The following MYRFL variants were observed in gnomAD, a reference collection of about 807,000 sequenced individuals.
MYRFL encodes the protein myelin regulatory factor-like protein.
A neutral mutation model predicts 109.4 loss-of-function variants in MYRFL; 88 were observed. The ratio of observed to expected loss-of-function variants is 0.80; its 90% CI spans 0.68 to 0.96. The LOEUF is 0.96. Ranked by LOEUF, MYRFL falls within the 40% of genes least tolerant of loss-of-function variation. MYRFL has a pLI of 0.00. For missense variants in MYRFL, 957 were observed against 954.9 expected (o/e 1.00, Z -0.03); for synonymous variants, 324 against 320.9 (o/e 1.01, Z -0.10).
chr12:69,932,977 AAAG>A (rs1955318767), intron 16 of MYRFL, among the ~76,000 whole-genome samples: 1 of 152,044 alleles, frequency 6.6e-6, no homozygotes, highest in Non-Finnish European at 1.5e-5. Context: ...GACCTTGGAG[AAAG>A]AAGTAAATAG....
Position 69,952,108 on chromosome 12 carries a change from T to C in MYRFL, c.2225-5T>C, listed in dbSNP as rs931793742. The C allele has an allele frequency of 9.2e-5, 141 of 1,535,968 alleles. No individual in the cohort carries two copies. The highest frequency in any genetic ancestry group is 1.2e-4 in the Non-Finnish European group (138 of 1,146,862). ...TCAAGATTGACAGACTTGTTTCCTT[T>C]TCAGAAGACAAAAGCAAATCAGTTT... On this transcript the variant is annotated splice_polypyrimidine_tract_variant and splice_region_variant and intron_variant, in intron 19 of 24. Transcript: ENST00000552032.
chr12:69,944,859 C>T (rs1268674929), intron 19 of MYRFL, among the ~76,000 whole-genome samples: 3 of 152,006 alleles, frequency 2.0e-5, no homozygotes, highest in African/African-American at 7.3e-5. Flanking sequence ...CACATGTATC[C>T]TACAACTTGA....
chr12:69,874,256 A>AAGCC, intron 2 of MYRFL, among the ~76,000 whole-genome samples: 1 of 152,320 alleles, frequency 6.6e-6, no homozygotes, highest in South Asian at 2.1e-4. Context: ...TGGCTCACTC[A>AAGCC]AGCCTCATTC....
At chr12:69,892,533 C>G (rs546576513) in intron 7 of MYRFL, among the ~76,000 whole-genome samples, 1 of 152,182 alleles carries the variant, frequency 6.6e-6, no homozygotes, top group Non-Finnish European at 1.5e-5. Flanking sequence ...GCTTCTGCCT[C>G]CCAAAGTGTT....
intron 9 of MYRFL, 140 bp from the exon 10 acceptor site, chr12:69,897,016 C>G: frequency 1.5e-6 from 1 of 662,604 alleles, no homozygotes. Flanking sequence ...CAACTTAGAA[C>G]AGAAGGGAAA....
intron 2 of MYRFL, among the ~76,000 whole-genome samples, chr12:69,857,912 G>C (rs1430200885): frequency 6.6e-6 from 1 of 151,788 alleles, no homozygotes; most frequent in Non-Finnish European, 1.5e-5. Context: ...TAAAGAAATA[G>C]TGAGACTAGA....
At chr12:69,861,716 G>A (rs1884683587) in intron 2 of MYRFL, among the ~76,000 whole-genome samples, 1 of 151,758 alleles carries the variant, frequency 6.6e-6, no homozygotes, top group Non-Finnish European at 1.5e-5. Context: ...CACTCTGATG[G>A]TAGTTTCTTT....
At chr12:69,866,653 T>A (rs1380157414) in intron 2 of MYRFL, among the ~76,000 whole-genome samples, 1 of 152,196 alleles carries the variant, frequency 6.6e-6, no homozygotes, top group Non-Finnish European at 1.5e-5. Flanking sequence ...AAGATATCAG[T>A]GTCAACCCTT....
At chr12:69,938,443 G>A (rs571125433) in intron 19 of MYRFL, among the ~76,000 whole-genome samples, 2 of 152,262 alleles carry the variant, frequency 1.3e-5, no homozygotes, top group East Asian at 1.9e-4. Flanking sequence ...CATTCCTGAA[G>A]TAACCAGCTG....
intron 5 of MYRFL, among the ~76,000 whole-genome samples, chr12:69,880,864 GC>G (rs1886034894): frequency 6.6e-6 from 1 of 151,412 alleles, no homozygotes; most frequent in Admixed American, 6.6e-5. Flanking sequence ...CTTCAAATTG[GC>G]AAGTTCCCAG....
At chr12:69,906,079 G>A (rs962036479) in intron 11 of MYRFL, among the ~76,000 whole-genome samples, 9 of 152,238 alleles carry the variant, frequency 5.9e-5, no homozygotes, top group Non-Finnish European at 1.3e-4. Flanking sequence ...GCTACAAAAT[G>A]TAGTGGTCAA....
At chr12:69,850,315 TATC>T (rs1483708822) in intron 1 of MYRFL, among the ~76,000 whole-genome samples, 1 of 152,086 alleles carries the variant, frequency 6.6e-6, no homozygotes, top group Non-Finnish European at 1.5e-5. Flanking sequence ...GGATAGAAAT[TATC>T]ATTATAAGAA....
At chr12:69,939,301 C>T (rs1341416161) in intron 19 of MYRFL, among the ~76,000 whole-genome samples, 28 of 152,266 alleles carry the variant, frequency 1.8e-4, no homozygotes, top group Non-Finnish European at 3.5e-4. Flanking sequence ...TGTCTGACAG[C>T]TTTGAAGAGA....
intron 2 of MYRFL, among the ~76,000 whole-genome samples, chr12:69,868,859 TGCACACACACGC>T (rs1885164665): frequency 6.6e-6 from 1 of 152,062 alleles, no homozygotes; most frequent in Non-Finnish European, 1.5e-5. Context: ...TGCACACATG[TGCACACACACGC>T]GCACACACAT....
chr12:69,827,283 T>A (rs979302085), intron 1 of MYRFL, among the ~76,000 whole-genome samples: 1 of 152,074 alleles, frequency 6.6e-6, no homozygotes, highest in Non-Finnish European at 1.5e-5. Flanking sequence ...ATAAACATTT[T>A]TATATTAAAA....
rs139101963 is a variant in MYRFL at position 69,907,946 on chromosome 12, G to A, written c.1384-2023G>A. ...GATTGTGACTGTTCCTTCCAAGTAT[G>A]ACCTGCAAGGCCCTCCCTGCTCTGG... On this transcript the variant is annotated intron_variant, in intron 11 of 24. Transcript: ENST00000552032. 1.1e-3 allele frequency among the ~76,000 whole-genome samples: 174 copies of A among 152,206 alleles called. 1 individual carries two copies. Among genetic ancestry groups the A allele is most frequent in the Non-Finnish European group, 1.9e-3 (131 of 68,014 alleles).
rs763085809 is a variant in MYRFL, at chr12:69,952,214, C to T, written c.2287+39C>T. ...TAAGTGACACTATTCTTTGGCTTTG[C>T]GGGGCCAGGCCAACTAACAAGTTGT... On this transcript the variant is annotated intron_variant, in intron 20 of 24. Transcript: ENST00000552032. 62 of 1,509,058 alleles carry T rather than the reference C, an allele frequency of 4.1e-5. No homozygotes were observed. The South Asian group carries it at 4.4e-4, about 11-fold the overall frequency. The allele number at this position is 1,509,058 out of a possible 1,614,324, so 93.5% of individuals were successfully genotyped here. A position where few individuals can be genotyped will look rare whatever the true frequency, so the allele number is the denominator to read the frequency against.
intron 1 of MYRFL, among the ~76,000 whole-genome samples, chr12:69,838,810 AAGG>A (rs1416423440): frequency 6.6e-6 from 1 of 152,242 alleles, no homozygotes; most frequent in Non-Finnish European, 1.5e-5. Flanking sequence ...ACTAATTTAA[AAGG>A]AGAAGTGTGA....
In MYRFL at chr12:69,910,804, G is replaced by A. The variant is rs924056907; in HGVS notation, c.1493-17G>A. 2 of 1,494,478 alleles carry A rather than the reference G, an allele frequency of 1.3e-6. No individual in the cohort carries two copies. The highest frequency in any genetic ancestry group is 1.8e-6 in the Non-Finnish European group (2 of 1,110,172). 92.6% of individuals were successfully genotyped at this position (1,494,478 alleles called of 1,614,324 possible). On this transcript the variant is annotated splice_polypyrimidine_tract_variant and intron_variant, in intron 12 of 24. Coordinates refer to ENST00000552032, the MANE Select transcript of MYRFL (RefSeq NM_182530.3). ...TCTTTCTTTGAAGATTAAACCTGTG[G>A]AGTGTTTTGTATACAGGAATGATTG...
Sources: gnomAD v4.1 joint callset for allele counts (sites outside exome capture counted in the v4.1 genomes callset) on GRCh38, gnomAD v4.1.1 for gene constraint, MANE v1.5 for transcripts, NCBI Gene and HGNC (gene_info 2026-07-23, HGNC 2026-07-21) for gene names.